The following NEGR1 variants were observed in gnomAD, a reference collection of about 807,000 sequenced individuals.
NEGR1 encodes the protein neuronal growth regulator 1, also known as IgLON family member 4.
Under a neutral mutation model 40.9 loss-of-function variants are expected in NEGR1, and 10 were observed. That is an observed-to-expected ratio of 0.24 (90% CI 0.15 to 0.42). NEGR1 has a LOEUF of 0.42. Ranked by LOEUF, NEGR1 falls within the 10% of genes least tolerant of loss-of-function variation. The pLI, the probability that NEGR1 is intolerant of heterozygous loss-of-function variation, is 1.00. For missense variants in NEGR1, 352 were observed against 438.9 expected (o/e 0.80, Z 1.77); for synonymous variants, 185 against 166.8 (o/e 1.11, Z -0.84).
At chr1:71,861,273 A>G (rs1482731870) in intron 2 of NEGR1, among the ~76,000 whole-genome samples, 2 of 152,038 alleles carry the variant, frequency 1.3e-5, no homozygotes, top group Admixed American at 6.6e-5. Flanking sequence ...TGAGAATTAA[A>G]TGTAAAACAC....
At chr1:71,853,644 T>C (rs1395870798) in intron 2 of NEGR1, among the ~76,000 whole-genome samples, 2 of 152,142 alleles carry the variant, frequency 1.3e-5, no homozygotes, top group African/African-American at 2.4e-5. Flanking sequence ...GTATATTGAT[T>C]CTTTTTAATT....
At chr1:71,449,860 G>T (rs1462323237) in intron 6 of NEGR1, among the ~76,000 whole-genome samples, 1 of 152,022 alleles carries the variant, frequency 6.6e-6, no homozygotes, top group Non-Finnish European at 1.5e-5. Flanking sequence ...TTCTTGTAAG[G>T]CTGGATTTTT....
chr1:71,880,773 C>G (rs968270169), intron 2 of NEGR1, among the ~76,000 whole-genome samples: 5 of 151,882 alleles, frequency 3.3e-5, no homozygotes, highest in African/African-American at 1.2e-4. Flanking sequence ...AGCTTTCGAC[C>G]AAAGCTCTAT....
chr1:72,147,219 C>A (rs1468344471), intron 1 of NEGR1, among the ~76,000 whole-genome samples: 1 of 151,922 alleles, frequency 6.6e-6, no homozygotes, highest in Non-Finnish European at 1.5e-5. Context: ...AAAGACATAC[C>A]CGAAACTGGG....
chr1:71,860,417 A>C (rs531411240), intron 2 of NEGR1, among the ~76,000 whole-genome samples: 1 of 151,958 alleles, frequency 6.6e-6, no homozygotes, highest in Non-Finnish European at 1.5e-5. Flanking sequence ...CTTGTGAATC[A>C]GTTGATATTG....
intron 1 of NEGR1, among the ~76,000 whole-genome samples, chr1:71,960,176 A>G (rs1435715772): frequency 6.6e-6 from 1 of 152,182 alleles, no homozygotes; most frequent in African/African-American, 2.4e-5. Flanking sequence ...ATTTACAAAC[A>G]TAGCCTACTT....
intron 6 of NEGR1, among the ~76,000 whole-genome samples, chr1:71,422,303 G>A (rs1646399799): frequency 6.6e-6 from 1 of 152,164 alleles, no homozygotes; most frequent in Admixed American, 6.5e-5. Context: ...TATGCATAAT[G>A]TCTGATACAC....
intron 2 of NEGR1, among the ~76,000 whole-genome samples, chr1:71,921,984 T>C (rs1475328139): frequency 6.6e-6 from 1 of 151,924 alleles, no homozygotes; most frequent in East Asian, 1.9e-4. Flanking sequence ...TTTACATACG[T>C]GATGAAAGTC....
At chr1:72,240,626 C>T (rs986097445) in intron 1 of NEGR1, among the ~76,000 whole-genome samples, 14 of 151,790 alleles carry the variant, frequency 9.2e-5, no homozygotes, top group African/African-American at 2.9e-4. Context: ...GCAAACTGGA[C>T]CAGTCAAGAG....
intron 2 of NEGR1, among the ~76,000 whole-genome samples, chr1:71,928,049 CGTATATAT>C (rs1451520976): frequency 1.0e-4 from 9 of 86,206 alleles, no homozygotes; most frequent in Admixed American, 1.8e-4. Context: ...CACACACACA[CGTATATAT>C]ATACACACAC....
intron 2 of NEGR1, among the ~76,000 whole-genome samples, chr1:71,879,322 A>G (rs894086954): frequency 3.3e-5 from 5 of 152,192 alleles, no homozygotes; most frequent in African/African-American, 1.2e-4. Flanking sequence ...ATTCATCAAT[A>G]TAAGAAGAAA....
intron 6 of NEGR1, among the ~76,000 whole-genome samples, chr1:71,539,736 C>T (rs1405400764): frequency 6.6e-6 from 1 of 151,560 alleles, no homozygotes; most frequent in Non-Finnish European, 1.5e-5. Flanking sequence ...TATTGCCATA[C>T]TTAATAGGTC....
intron 4 of NEGR1, among the ~76,000 whole-genome samples, chr1:71,649,555 T>C (rs1445128311): frequency 2.0e-5 from 3 of 152,090 alleles, no homozygotes; most frequent in Non-Finnish European, 2.9e-5. Context: ...CAAGATAAAA[T>C]ACATTAAAGT....
At chr1:72,189,067 A>G (rs973037616) in intron 1 of NEGR1, among the ~76,000 whole-genome samples, 4 of 151,578 alleles carry the variant, frequency 2.6e-5, no homozygotes, top group Non-Finnish European at 4.4e-5. Flanking sequence ...GTTTGTCAAC[A>G]GCCAGCTTGA....
chr1:72,078,521 T>C (rs929449705), intron 1 of NEGR1, among the ~76,000 whole-genome samples: 42 of 151,778 alleles, frequency 2.8e-4, no homozygotes, highest in Non-Finnish European at 7.4e-5. Context: ...ATTCCACTGA[T>C]ACCAGTGGGA....
At chr1:72,198,751 G>C (rs1023769131) in intron 1 of NEGR1, among the ~76,000 whole-genome samples, 1 of 151,906 alleles carries the variant, frequency 6.6e-6, no homozygotes, top group African/African-American at 2.4e-5. Context: ...GGGTCAGCAA[G>C]AGTAACAGAG....
chr1:71,964,635 C>A (rs189242857), intron 1 of NEGR1, among the ~76,000 whole-genome samples: 1 of 152,248 alleles, frequency 6.6e-6, no homozygotes, highest in Admixed American at 6.5e-5. Context: ...ACTGTGTTCT[C>A]TGCATGAGTT....
intron 4 of NEGR1, among the ~76,000 whole-genome samples, chr1:71,623,692 T>C (rs1194712772): frequency 1.3e-5 from 2 of 151,852 alleles, no homozygotes; most frequent in African/African-American, 2.4e-5. Context: ...ATTTTACCTA[T>C]AAATAGTGTA....
intron 1 of NEGR1, among the ~76,000 whole-genome samples, chr1:72,256,572 T>G (rs1419656407): frequency 6.6e-6 from 1 of 152,194 alleles, no homozygotes; most frequent in Non-Finnish European, 1.5e-5. Flanking sequence ...TTTATATATA[T>G]CAAACTTAAT....
Sources: gnomAD v4.1 joint callset for allele counts (sites outside exome capture counted in the v4.1 genomes callset) on GRCh38, gnomAD v4.1.1 for gene constraint, MANE v1.5 for transcripts, NCBI Gene and HGNC (gene_info 2026-07-23, HGNC 2026-07-21) for gene names.